UBXN7: variants seen among roughly 807,000 people sequenced by gnomAD.
The protein encoded by UBXN7 is UBX domain-containing protein 7.
UBXN7 carries 9 observed loss-of-function variants against 58.0 expected under a neutral mutation model. The observed-to-expected ratio is 0.16, with a 90% CI of 0.09 to 0.27. The LOEUF (loss-of-function observed/expected upper bound fraction) is 0.27. Ranked by LOEUF, UBXN7 falls within the 10% of genes least tolerant of loss-of-function variation. The pLI is 1.00. For synonymous variants in UBXN7, 208 were observed against 205.0 expected (o/e 1.01, Z -0.12); for missense variants, 328 against 599.6 (o/e 0.55, Z 4.73).
rs1187032348 is a variant in UBXN7 at position 196,417,723 on chromosome 3, TTAAAAAAAAAAAAAA to T, written c.74-10345_74-10331del. Among the ~76,000 whole-genome samples the T allele has an allele frequency of 2.9e-3, 228 of 78,416 alleles. 3 individuals carry two copies. Among genetic ancestry groups the T allele is most frequent in the African/African-American group, 0.01 (201 of 19,200 alleles). The allele number at this position is 78,416 out of a possible 152,430, so 51.4% of individuals were successfully genotyped here. ...TTTGAGACCAGTCTGGGCAAAATGG[TTAAAAAAAAAAAAAA>T]AAAAAAAAAAAAAAAAAAACCATCT... On this transcript the variant is annotated intron_variant, in intron 1 of 10. Coordinates refer to ENST00000296328, the MANE Select transcript of UBXN7 (RefSeq NM_015562.2).
intron 8 of UBXN7, among the ~76,000 whole-genome samples, chr3:196,366,431 G>A (rs538492980): frequency 1.3e-5 from 2 of 151,434 alleles, no homozygotes; most frequent in Non-Finnish European, 2.9e-5. Flanking sequence ...CAAGAAGATT[G>A]ACTGAGCCCA....
At chr3:196,429,662 G>GT (rs1730962437) in intron 1 of UBXN7, among the ~76,000 whole-genome samples, 1 of 152,100 alleles carries the variant, frequency 6.6e-6, no homozygotes, top group East Asian at 1.9e-4. Context: ...CGATTAAAAC[G>GT]TATGTGGAGA....
intron 5 of UBXN7, among the ~76,000 whole-genome samples, chr3:196,373,775 T>A (rs979663888): frequency 2.6e-5 from 4 of 152,136 alleles, no homozygotes; most frequent in African/African-American, 9.7e-5. Context: ...CCAGGCTGGT[T>A]TGGAACACCT....
At chr3:196,375,813 G>C (rs1729000627) in intron 5 of UBXN7, among the ~76,000 whole-genome samples, 1 of 152,188 alleles carries the variant, frequency 6.6e-6, no homozygotes, top group South Asian at 2.1e-4. Context: ...CTGATCATTT[G>C]AGCCCAAGAG....
chr3:196,415,660 T>A, intron 1 of UBXN7, among the ~76,000 whole-genome samples: 1 of 151,796 alleles, frequency 6.6e-6, no homozygotes, highest in East Asian at 2.0e-4. Flanking sequence ...CGCGTGCCTG[T>A]AATCCCAACT....
At position 196,352,966 on chromosome 3, in the gene UBXN7, T is replaced by C. The variant is rs887850418; in HGVS notation, c.*3719A>G. 1.3e-5 allele frequency: 2 copies of C among 152,224 alleles called. No individual in the cohort carries two copies. The highest frequency in any genetic ancestry group is 4.8e-5 in the African/African-American group (2 of 41,454). 9.4% of individuals were successfully genotyped at this position (152,224 alleles called of 1,614,324 possible). A position where few individuals can be genotyped will look rare whatever the true frequency, so the allele number is the denominator to read the frequency against. The stretch of plus-strand genomic sequence containing the variant: ...TTTATTCTTGGCAAATAATGCCACG[T>C]GGCAATTTTACTTTCACATCTTCAC... On this transcript the variant is annotated 3_prime_UTR_variant, in exon 11 of 11. Coordinates refer to ENST00000296328, the MANE Select transcript of UBXN7 (RefSeq NM_015562.2). The surrounding 1 kb of genome is among the most constrained non-coding windows in gnomAD (Gnocchi z 4.1).
rs553413029 is a variant in UBXN7, at chr3:196,349,792, T to C, written c.*6893A>G. ...TCAGAATTTATCTAATGATTTGATATGTTTCCCATTTATCATGTCTAAAAA... is the reference window on the plus strand; with the variant it reads ...TCAGAATTTATCTAATGATTTGATACGTTTCCCATTTATCATGTCTAAAAA... On this transcript the variant is annotated 3_prime_UTR_variant, in exon 11 of 11. Coordinates refer to ENST00000296328, the MANE Select transcript of UBXN7 (RefSeq NM_015562.2). The C allele has an allele frequency of 1.3e-5, 2 of 152,360 alleles. No homozygotes were observed. The highest frequency in any genetic ancestry group is 4.1e-4 in the South Asian group (2 of 4,832). 9.4% of individuals were successfully genotyped at this position (152,360 alleles called of 1,614,324 possible).
chr3:196,412,364 C>T (rs570994265), intron 1 of UBXN7, among the ~76,000 whole-genome samples: 100 of 151,752 alleles, frequency 6.6e-4, no homozygotes, highest in African/African-American at 2.3e-3. Context: ...AAATAGTTGA[C>T]GGTCAACTGT....
In UBXN7 at chr3:196,364,204, A is replaced by C. The variant is rs116750957; in HGVS notation, c.835-1517T>G. On this transcript the variant is annotated intron_variant, in intron 8 of 10. Coordinates refer to ENST00000296328, the MANE Select transcript of UBXN7 (RefSeq NM_015562.2). The stretch of plus-strand genomic sequence containing the variant: ...CCACAGATTTTACTAAACTTAATGA[A>C]TCACAAAATACGTTGTTTGAGTGGA... Among the ~76,000 whole-genome samples the C allele has an allele frequency of 8.3e-4, 127 of 152,296 alleles. 1 individual carries two copies. Among genetic ancestry groups the C allele is most frequent in the African/African-American group, 2.9e-3 (119 of 41,562 alleles).
At chr3:196,422,175 G>A (rs1240906723) in intron 1 of UBXN7, among the ~76,000 whole-genome samples, 1 of 152,070 alleles carries the variant, frequency 6.6e-6, no homozygotes, top group Non-Finnish European at 1.5e-5. Flanking sequence ...ACTCCAGCCT[G>A]GGTGACAGGG....
intron 4 of UBXN7, 61 bp from the exon 5 acceptor site, chr3:196,391,986 A>C: frequency 1.2e-6 from 1 of 802,550 alleles, no homozygotes; most frequent in Non-Finnish European, 1.9e-6. Context: ...CTGAAAAAAA[A>C]AAAAAAAAAA....
chr3:196,429,578 C>G (rs1214980676), intron 1 of UBXN7, among the ~76,000 whole-genome samples: 1 of 151,776 alleles, frequency 6.6e-6, no homozygotes, highest in African/African-American at 2.4e-5. Flanking sequence ...CCAAGTAAAA[C>G]CTTTGTGAAA....
At chr3:196,401,263 AAAAAAAAAAAAATATAT>A (rs1367060280) in intron 3 of UBXN7, among the ~76,000 whole-genome samples, 5 of 87,990 alleles carry the variant, frequency 5.7e-5, no homozygotes, top group South Asian at 7.0e-4. Context: ...AAAAAAAAAA[AAAAAAAAAAAAATATAT>A]ATATATATAT....
chr3:196,377,634 C>G (rs1359840541), intron 5 of UBXN7, among the ~76,000 whole-genome samples: 1 of 151,996 alleles, frequency 6.6e-6, no homozygotes, highest in Non-Finnish European at 1.5e-5. Flanking sequence ...CAAAATACAG[C>G]CCCCCTCTCT....
At chr3:196,426,113 G>A (rs143206694) in intron 1 of UBXN7, among the ~76,000 whole-genome samples, 220 of 152,248 alleles carry the variant, frequency 1.4e-3, no homozygotes, top group African/African-American at 5.2e-3. Context: ...GCCAGGCATG[G>A]TGGCTCAAGC....
chr3:196,398,242 C>G (rs1488646548), intron 3 of UBXN7, among the ~76,000 whole-genome samples: 1 of 152,174 alleles, frequency 6.6e-6, no homozygotes, highest in Non-Finnish European at 1.5e-5. Context: ...GTTGACCACA[C>G]CTTTGTAGGA....
chr3:196,395,772 T>A (rs183428348), intron 3 of UBXN7, among the ~76,000 whole-genome samples: 94 of 152,094 alleles, frequency 6.2e-4, no homozygotes, highest in Admixed American at 1.3e-3. Flanking sequence ...TTAATTAATT[T>A]ATTTATTTAT....
chr3:196,357,890 G>A (rs376203123), intron 10 of UBXN7, among the ~76,000 whole-genome samples: 6 of 151,662 alleles, frequency 4.0e-5, no homozygotes, highest in South Asian at 2.1e-4. Context: ...AAAACTAGCC[G>A]GGCATGGTGG....
At position 196,353,402 on chromosome 3, in the gene UBXN7, G is replaced by GT. The variant is rs1268207440; in HGVS notation, c.*3282dup. The GT allele has an allele frequency of 6.6e-6, 1 of 151,400 alleles. No homozygotes were observed. Among genetic ancestry groups the GT allele is most frequent in the African/African-American group, 2.4e-5 (1 of 41,218 alleles). The allele number at this position is 151,400 out of a possible 1,614,324, so 9.4% of individuals were successfully genotyped here. On this transcript the variant is annotated 3_prime_UTR_variant, in exon 11 of 11. Coordinates refer to ENST00000296328, the MANE Select transcript of UBXN7 (RefSeq NM_015562.2). Reference sequence around the variant, plus strand: ...TGTTCTTTTCTCATTTGGCACTGTTGTTTTCTCTTCTCCAGTTCCTTCCGA... The same window carrying GT: ...TGTTCTTTTCTCATTTGGCACTGTTGTTTTTCTCTTCTCCAGTTCCTTCCGA...
Sources: allele counts gnomAD v4.1 joint callset (sites outside exome capture counted in the v4.1 genomes callset), GRCh38; gene constraint gnomAD v4.1.1; non-coding constraint Gnocchi (gnomAD v3.1); transcripts MANE v1.5; gene names NCBI Gene and HGNC (gene_info 2026-07-23, HGNC 2026-07-21).